Variants in DPF3 observed in about 807,000 individuals in gnomAD.
DPF3 encodes double PHD fingers 3.
A neutral mutation model predicts 56.8 loss-of-function variants in DPF3; 18 were observed. That is an observed-to-expected ratio of 0.32 (90% CI 0.22 to 0.47). DPF3 has a LOEUF of 0.47. Ranked by LOEUF, DPF3 falls within the 20% of genes least tolerant of loss-of-function variation. DPF3 has a pLI of 1.00. For missense variants in DPF3, 403 were observed against 488.8 expected (o/e 0.82, Z 1.65); for synonymous variants, 188 against 180.2 (o/e 1.04, Z -0.35).
At chr14:72,676,113 T>C (rs1886895733) in intron 7 of DPF3, among the ~76,000 whole-genome samples, 1 of 152,140 alleles carries the variant, frequency 6.6e-6, no homozygotes, top group South Asian at 2.1e-4. Context: ...CAACAAGATA[T>C]GGATGGAAAA....
chr14:72,794,359 C>T (rs1182104239), intron 1 of DPF3, among the ~76,000 whole-genome samples: 1 of 152,188 alleles, frequency 6.6e-6, no homozygotes, highest in African/African-American at 2.4e-5. Flanking sequence ...ACTCCAGGGG[C>T]CTCTCTGTCC....
At chr14:72,702,678 C>G (rs1458463473) in intron 6 of DPF3, among the ~76,000 whole-genome samples, 1 of 152,186 alleles carries the variant, frequency 6.6e-6, no homozygotes, top group Non-Finnish European at 1.5e-5. Flanking sequence ...TTCCCCCGAG[C>G]AGGGAGAAGC....
intron 7 of DPF3, among the ~76,000 whole-genome samples, chr14:72,691,441 G>A (rs1887675490): frequency 6.6e-6 from 1 of 152,180 alleles, no homozygotes; most frequent in African/African-American, 2.4e-5. Flanking sequence ...ACAAGAAGAG[G>A]AAATGGGCTG....
intron 7 of DPF3, among the ~76,000 whole-genome samples, chr14:72,679,698 T>G (rs1887073891): frequency 6.6e-6 from 1 of 152,084 alleles, no homozygotes; most frequent in African/African-American, 2.4e-5. Context: ...CAGCCTCCGC[T>G]CTTGCCACCT....
At chr14:72,670,978 G>T in intron 8 of DPF3, 2 of 558,500 alleles carry the variant, frequency 3.6e-6, no homozygotes, top group Non-Finnish European at 6.1e-6. Context: ...GGGGTGGGGG[G>T]AGGGATGGAG....
At chr14:72,641,205 T>C (rs1885553897) in intron 8 of DPF3, among the ~76,000 whole-genome samples, 1 of 152,184 alleles carries the variant, frequency 6.6e-6, no homozygotes, top group South Asian at 2.1e-4. Flanking sequence ...CCTCTCCAAA[T>C]CACTGATGGC....
At chr14:72,674,187 AGAG>A (rs1886812734) in intron 8 of DPF3, 50 bp downstream of exon 8, 1 of 1,573,918 alleles carries the variant, frequency 6.4e-7, no homozygotes, top group Admixed American at 1.8e-5. Context: ...GAGGAATGCA[AGAG>A]GAGCATTCCT....
intron 6 of DPF3, among the ~76,000 whole-genome samples, chr14:72,702,184 C>A (rs565310192): frequency 1.3e-5 from 2 of 152,240 alleles, no homozygotes; most frequent in Non-Finnish European, 2.9e-5. Flanking sequence ...CCCCACCCAC[C>A]CCAACGGCCT....
chr14:72,715,414 G>T (rs1351194915), intron 5 of DPF3, among the ~76,000 whole-genome samples: 2 of 152,144 alleles, frequency 1.3e-5, no homozygotes, highest in Admixed American at 6.5e-5. Context: ...CGCCTCTCCA[G>T]GTCATTCTTT....
At chr14:72,872,809 C>G (rs1885955245) in intron 1 of DPF3, among the ~76,000 whole-genome samples, 1 of 152,176 alleles carries the variant, frequency 6.6e-6, no homozygotes, top group South Asian at 2.1e-4. Flanking sequence ...CTGACAAAAA[C>G]AAGCAATGGG....
intron 9 of DPF3, among the ~76,000 whole-genome samples, chr14:72,621,732 A>C (rs942414958): frequency 1.3e-5 from 2 of 152,306 alleles, no homozygotes; most frequent in East Asian, 3.9e-4. Flanking sequence ...GGTGGCCTGA[A>C]TTACAATTGC....
chr14:72,693,004 AG>A, intron 7 of DPF3, 71 bp downstream of exon 7: 2 of 1,585,124 alleles, frequency 1.3e-6, no homozygotes, highest in Non-Finnish European at 1.7e-6. Context: ...AGTGAGAAAA[AG>A]GAACAAGGAA....
chr14:72,787,626 C>G (rs1433326786), intron 1 of DPF3, among the ~76,000 whole-genome samples: 3 of 152,136 alleles, frequency 2.0e-5, no homozygotes, highest in Non-Finnish European at 2.9e-5. Context: ...CATCAAGGTC[C>G]CACTGTAATG....
chr14:72,734,884 T>C (rs926719715), intron 3 of DPF3, among the ~76,000 whole-genome samples: 5 of 152,234 alleles, frequency 3.3e-5, no homozygotes, highest in Admixed American at 6.5e-5. Context: ...TCCGTGTACA[T>C]GCAGAGGGCT....
chr14:72,845,923 G>T (rs1187544073), intron 1 of DPF3, among the ~76,000 whole-genome samples: 2 of 151,944 alleles, frequency 1.3e-5, no homozygotes, highest in Admixed American at 6.6e-5. Context: ...TGCAGCACCC[G>T]GCAGGGCGAT....
chr14:72,860,756 G>A (rs1281456989), intron 1 of DPF3, among the ~76,000 whole-genome samples: 1 of 150,798 alleles, frequency 6.6e-6, no homozygotes, highest in Non-Finnish European at 1.5e-5. Context: ...ATTAGAGATG[G>A]GGTTTCACCA....
At chr14:72,795,295 A>AT (rs1370331515) in intron 1 of DPF3, among the ~76,000 whole-genome samples, 88 of 102,906 alleles carry the variant, frequency 8.6e-4, no homozygotes, top group African/African-American at 1.7e-3. Flanking sequence ...AAAAAAAAAA[A>AT]ATATATATAT....
intron 1 of DPF3, among the ~76,000 whole-genome samples, chr14:72,886,729 T>A (rs1253170169): frequency 6.6e-6 from 1 of 152,054 alleles, no homozygotes; most frequent in Non-Finnish European, 1.5e-5. Context: ...CTTCTCTTTA[T>A]GCTTGCAAAA....
At chr14:72,722,745 T>C (rs1246505859) in intron 5 of DPF3, among the ~76,000 whole-genome samples, 1 of 152,236 alleles carries the variant, frequency 6.6e-6, no homozygotes, top group Non-Finnish European at 1.5e-5. Context: ...TATTGTCACA[T>C]GCCCTTGCAG....
Sources: allele counts gnomAD v4.1 joint callset (sites outside exome capture counted in the v4.1 genomes callset), GRCh38; gene constraint gnomAD v4.1.1; transcripts MANE v1.5; gene names NCBI Gene and HGNC (gene_info 2026-07-23, HGNC 2026-07-21).